The following GNAT3 variants were observed in gnomAD, a reference collection of about 807,000 sequenced individuals.
GNAT3 encodes G protein subunit alpha transducin 3.
A neutral mutation model predicts 37.7 loss-of-function variants in GNAT3; 31 were observed. That is an observed-to-expected ratio of 0.82 (90% confidence interval 0.62 to 1.11). The LOEUF (loss-of-function observed/expected upper bound fraction) is 1.11. Ranked by LOEUF, GNAT3 falls within the 50% of genes most tolerant of loss-of-function variation. The pLI is 0.00. For synonymous variants in GNAT3, 138 were observed against 139.8 expected (o/e 0.99, Z 0.09); for missense variants, 437 against 412.5 (o/e 1.06, Z -0.51).
intron 1 of GNAT3, among the ~76,000 whole-genome samples, chr7:80,505,202 A>G (rs1790911282): frequency 6.6e-6 from 1 of 152,178 alleles, no homozygotes; most frequent in Non-Finnish European, 1.5e-5. Flanking sequence ...TTAAGGTAGA[A>G]GATTACGGAG....
chr7:80,469,139 A>G (rs964479988), intron 5 of GNAT3, among the ~76,000 whole-genome samples: 3 of 152,158 alleles, frequency 2.0e-5, no homozygotes, highest in African/African-American at 7.2e-5. Flanking sequence ...TGACCACGAT[A>G]TACACAATTC....
rs9770091 is a variant in GNAT3 at position 80,493,718 on chromosome 7, T to C, written c.161+887A>G. On this transcript the variant is annotated intron_variant, in intron 2 of 7. Coordinates refer to ENST00000398291, the MANE Select transcript of GNAT3 (RefSeq NM_001102386.3). Reference sequence around the variant, plus strand: ...CCTCCTCCTCTTTGTTCCTCCTCCTTCTCTTTCCTCCTCCTCCTCCTCTTT... The same window carrying C: ...CCTCCTCCTCTTTGTTCCTCCTCCTCCTCTTTCCTCCTCCTCCTCCTCTTT... Among the ~76,000 whole-genome samples, 381 of 68,514 alleles carry C rather than the reference T, an allele frequency of 5.6e-3. 15 individuals carry two copies. The highest frequency in any genetic ancestry group is 0.016 in the African/African-American group (177 of 10,882). The allele number at this position is 68,514 out of a possible 152,430, so 44.9% of individuals were successfully genotyped here. A position where few individuals can be genotyped will look rare whatever the true frequency, so the allele number is the denominator to read the frequency against.
intron 3 of GNAT3, among the ~76,000 whole-genome samples, chr7:80,479,851 T>C (rs957522680): frequency 2.0e-5 from 3 of 152,030 alleles, no homozygotes; most frequent in Non-Finnish European, 2.9e-5. Flanking sequence ...ATGGTAAACA[T>C]TTGGATCCAC....
Position 80,474,308 on chromosome 7 carries a change from C to G in GNAT3, c.533G>C (p.Arg178Pro), listed in dbSNP as rs879833721. 1.9e-6 allele frequency: 3 copies of G among 1,582,802 alleles called. No individual in the cohort carries two copies. The highest frequency in any genetic ancestry group is 2.7e-5 in the African/African-American group (2 of 74,408). ...TTCAATGATTCCAGTCGTTTTCACT[C>G]GAGAATGGAGAACATCTTGTTCATT... ...VPNEQDVLHS[R>P]VKTTGIIETQ... The change falls in exon 5 of 8, where the codon CGA (arginine) becomes CCA (proline). Residue 178 changes from arginine to proline, a missense_variant. Coordinates refer to ENST00000398291, the MANE Select transcript of GNAT3 (RefSeq NM_001102386.3).
intron 3 of GNAT3, among the ~76,000 whole-genome samples, chr7:80,484,784 A>G (rs1790449428): frequency 6.6e-6 from 1 of 151,958 alleles, no homozygotes; most frequent in Non-Finnish European, 1.5e-5. Flanking sequence ...CTAAACCACA[A>G]CCAATAAGAA....
intron 5 of GNAT3, among the ~76,000 whole-genome samples, chr7:80,466,120 C>T (rs1167265788): frequency 2.6e-5 from 4 of 152,054 alleles, no homozygotes; most frequent in Non-Finnish European, 5.9e-5. Flanking sequence ...CTTTCCATTG[C>T]TTAATGACAA....
At chr7:80,494,894 A>G (rs1043975619) in intron 1 of GNAT3, among the ~76,000 whole-genome samples, 2 of 152,002 alleles carry the variant, frequency 1.3e-5, no homozygotes, top group African/African-American at 4.8e-5. Context: ...TCATGCTCTC[A>G]CTTTTCCAAG....
At chr7:80,486,456 T>G (rs1179700324) in intron 3 of GNAT3, 2 of 151,874 alleles carry the variant, frequency 1.3e-5, no homozygotes, top group East Asian at 3.9e-4. Flanking sequence ...CTCACTTTTT[T>G]TTTTTTCAAG....
At chr7:80,484,425 A>T (rs1254748727) in intron 3 of GNAT3, among the ~76,000 whole-genome samples, 1 of 152,136 alleles carries the variant, frequency 6.6e-6, no homozygotes, top group African/African-American at 2.4e-5. Flanking sequence ...ATCTAATCAC[A>T]GAACTTCAAT....
intron 4 of GNAT3, among the ~76,000 whole-genome samples, chr7:80,476,092 A>C (rs2116165544): frequency 6.6e-6 from 1 of 152,142 alleles, no homozygotes; most frequent in East Asian, 1.9e-4. Flanking sequence ...AGAAAACAAA[A>C]AAAACCCAAA....
intron 5 of GNAT3, among the ~76,000 whole-genome samples, chr7:80,467,714 A>G (rs1056163100): frequency 2.6e-5 from 4 of 152,086 alleles, no homozygotes; most frequent in Admixed American, 2.6e-4. Flanking sequence ...AAAAAGCTTT[A>G]TTGTGACCAT....
intron 7 of GNAT3, among the ~76,000 whole-genome samples, chr7:80,460,944 C>T (rs185502914): frequency 5.0e-4 from 76 of 151,860 alleles, no homozygotes; most frequent in African/African-American, 1.8e-3. Flanking sequence ...TTTCTCTGTA[C>T]ACTAGAAACT....
At position 80,511,896 on chromosome 7, in the gene GNAT3, C is replaced by T; in HGVS notation, c.31G>A (p.Glu11Lys). The T allele has an allele frequency of 6.2e-7, 1 of 1,611,674 alleles. No homozygotes were observed. Among genetic ancestry groups the T allele is most frequent in the Non-Finnish European group, 8.5e-7 (1 of 1,178,544 alleles). Residue 11 changes from glutamate (E) to lysine (K), a missense_variant, in exon 1 of 8, where the codon GAG (glutamate) becomes AAG (lysine). Physicochemically the swap from Glu to Lys is moderately conservative, Grantham distance 56 (BLOSUM62 1). Transcript: ENST00000398291. ...AGTTCTTTTGATCTTTTGGCTGACT[C>T]CTTGCTCTCTGAACTAATTCCACTT... is the stretch of plus-strand genomic sequence containing the variant. Reference protein sequence around the residue: MGSGISSESKESAKRSKELEK... With the variant: MGSGISSESKKSAKRSKELEK...
At chr7:80,506,081 G>A (rs1790935253) in intron 1 of GNAT3, among the ~76,000 whole-genome samples, 1 of 152,148 alleles carries the variant, frequency 6.6e-6, no homozygotes, top group Admixed American at 6.6e-5. Context: ...CTTTCTAACA[G>A]TATGGAGAGG....
chr7:80,476,682 C>T (rs1790308486), intron 4 of GNAT3, among the ~76,000 whole-genome samples: 1 of 151,744 alleles, frequency 6.6e-6, no homozygotes. Flanking sequence ...AGACCTTGCT[C>T]TATATAATGT....
chr7:80,488,722 G>A (rs1389845169), intron 2 of GNAT3, 46 bp from the exon 3 acceptor site: 1 of 1,411,828 alleles, frequency 7.1e-7, no homozygotes, highest in South Asian at 1.3e-5. Flanking sequence ...ATAATTGATT[G>A]TAACACTAAA....
intron 3 of GNAT3, among the ~76,000 whole-genome samples, chr7:80,481,977 T>G (rs1453220674): frequency 6.6e-6 from 1 of 152,210 alleles, no homozygotes; most frequent in Non-Finnish European, 1.5e-5. Flanking sequence ...GGACCTTGCA[T>G]GTATTGACTG....
intron 3 of GNAT3, among the ~76,000 whole-genome samples, chr7:80,488,181 A>G (rs918741482): frequency 6.6e-5 from 10 of 152,140 alleles, no homozygotes; most frequent in Non-Finnish European, 4.4e-5. Context: ...TCTCTTTGAA[A>G]TGGCATAACT....
chr7:80,486,672 G>T (rs1276626945), intron 3 of GNAT3: 2 of 115,072 alleles, frequency 1.7e-5, no homozygotes, highest in African/African-American at 3.8e-5. Flanking sequence ...ACAGTGTCTG[G>T]TTATATTGTT....
Sources: allele counts gnomAD v4.1 joint callset (sites outside exome capture counted in the v4.1 genomes callset), GRCh38; gene constraint gnomAD v4.1.1; transcripts MANE v1.5; gene names NCBI Gene and HGNC (gene_info 2026-07-23, HGNC 2026-07-21).